The following CABLES2 variants were observed in gnomAD, a reference collection of about 807,000 sequenced individuals.
The protein encoded by CABLES2 is Cdk5 and Abl enzyme substrate 2, also known as CDK5 and ABL1 enzyme substrate 2.
CABLES2 carries 35 observed loss-of-function variants against 44.8 expected under a neutral mutation model. The ratio of observed to expected loss-of-function variants is 0.78; its 90% CI spans 0.60 to 1.04. The LOEUF (loss-of-function observed/expected upper bound fraction) is 1.04, where lower values mean the gene tolerates loss of function less well. Among genes scored for constraint, CABLES2 ranks in the 50% least tolerant of loss-of-function variants. The pLI is 0.00. For synonymous variants in CABLES2, 282 were observed against 281.1 expected, an observed-to-expected ratio of 1.00 and a Z score of -0.03; for missense variants, 566 against 615.7, an observed-to-expected ratio of 0.92 and a Z score of 0.85.
At chr20:62,395,665 C>T (rs759111053) in intron 3 of CABLES2, among the ~76,000 whole-genome samples, 14 of 152,214 alleles carry the variant, frequency 9.2e-5, no homozygotes, top group South Asian at 2.1e-4. Context: ...GCTTGGATGA[C>T]GGGAGCCAGG....
At chr20:62,397,668 C>T (rs934022451) in intron 1 of CABLES2, among the ~76,000 whole-genome samples, 1 of 152,230 alleles carries the variant, frequency 6.6e-6, no homozygotes, top group Admixed American at 6.5e-5. Flanking sequence ...AAGCTTTGTT[C>T]TCTCCCTTAT....
In CABLES2 at chr20:62,390,965, C is replaced by T; in HGVS notation, c.*6G>A. On this transcript the variant is annotated 3_prime_UTR_variant, in exon 10 of 10. Transcript: ENST00000279101. Reference sequence around the variant, plus strand: ...TCGGTGCCCTGAGCCTTCTGTGGGGCCTCTGCTAGAACTGCTGGGTGAGGC... The same window carrying T: ...TCGGTGCCCTGAGCCTTCTGTGGGGTCTCTGCTAGAACTGCTGGGTGAGGC... 1.2e-6 allele frequency: 2 copies of T among 1,613,890 alleles called. No individual in the cohort carries two copies. Among genetic ancestry groups the T allele is most frequent in the Non-Finnish European group, 1.7e-6 (2 of 1,179,892 alleles).
Position 62,390,840 on chromosome 20 carries a change from C to A in CABLES2, c.*131G>T. The A allele has an allele frequency of 1.9e-6, 2 of 1,062,610 alleles. No individual in the cohort carries two copies. The highest frequency in any genetic ancestry group is 3.2e-5 in the African/African-American group (2 of 63,308). The allele number at this position is 1,062,610 out of a possible 1,614,324, so 65.8% of individuals were successfully genotyped here. The stretch of plus-strand genomic sequence containing the variant: ...CAAAGAGGCAAAAAGGAAAGCTGCA[C>A]CAGCGGAGGCCAGGTGCCTCCTGCT... On this transcript the variant is annotated 3_prime_UTR_variant, in exon 10 of 10. Transcript: ENST00000279101.
intron 1 of CABLES2, among the ~76,000 whole-genome samples, chr20:62,406,503 G>A (rs1988287863): frequency 6.6e-6 from 1 of 152,074 alleles, no homozygotes; most frequent in African/African-American, 2.4e-5. Flanking sequence ...CAGGGGCTGG[G>A]AGAATTCAGG....
rs1275234413 is a variant in CABLES2 at position 62,396,517 on chromosome 20, G to T, written c.434+4C>A. 1 of 1,613,866 alleles carries T rather than the reference G, an allele frequency of 6.2e-7. No individual in the cohort carries two copies. The highest frequency in any genetic ancestry group is 1.3e-5 in the African/African-American group (1 of 75,032). On this transcript the variant is annotated splice_donor_region_variant and intron_variant, in intron 2 of 9. Transcript: ENST00000279101. The surrounding 1 kb of genome is among the most constrained non-coding windows in gnomAD (Gnocchi z 5.7). ...TAGAGCTCGGGGCGGACGGGGGCGT[G>T]TACCTCTGTGCTGGAGCGCATCCCA...
At chr20:62,395,842 C>T (rs556461808) in intron 3 of CABLES2, among the ~76,000 whole-genome samples, 55 of 152,304 alleles carry the variant, frequency 3.6e-4, no homozygotes, top group African/African-American at 1.3e-3. Context: ...GAATACGGGG[C>T]CACAGGAACA....
At chr20:62,395,076 TC>T in intron 3 of CABLES2, 62 bp from the exon 4 acceptor site, 1 of 1,235,004 alleles carries the variant, frequency 8.1e-7, no homozygotes, top group Non-Finnish European at 1.2e-6. Flanking sequence ...TACTGCTGCT[TC>T]CAGAGCTACA....
chr20:62,395,628 C>A (rs1013261706), intron 3 of CABLES2, among the ~76,000 whole-genome samples: 1 of 152,258 alleles, frequency 6.6e-6, no homozygotes, highest in East Asian at 1.9e-4. Context: ...AGGGGGACAA[C>A]AGTGGGAGAA....
chr20:62,401,197 T>G (rs1988181295), intron 1 of CABLES2, among the ~76,000 whole-genome samples: 1 of 152,206 alleles, frequency 6.6e-6, no homozygotes, highest in African/African-American at 2.4e-5. Flanking sequence ...AGGTCACGTT[T>G]TTTGGTTTGA....
chr20:62,396,176 G>A lies in CABLES2; in HGVS notation c.527+139C>T, dbSNP rs1337590588. 5.5e-6 allele frequency: 4 copies of A among 722,958 alleles called. No homozygotes were observed. The highest frequency in any genetic ancestry group is 9.7e-6 in the Non-Finnish European group (4 of 412,900). 44.8% of individuals were successfully genotyped at this position (722,958 alleles called of 1,614,324 possible). On this transcript the variant is annotated intron_variant, in intron 3 of 9. Transcript: ENST00000279101. This position sits in a 1 kb window ranked among gnomAD's most constrained non-coding sequence, Gnocchi z 5.7. ...GAGCAAGCAGTGTGGTGGGGAGGAG[G>A]GCCCACCTCTAGAGGTGTGGAGTGT... is the stretch of plus-strand genomic sequence containing the variant.
Position 62,391,416 on chromosome 20 carries a change from T to A in CABLES2, c.1129A>T (p.Ser377Cys). The A allele has an allele frequency of 1.2e-6, 2 of 1,613,278 alleles. No individual in the cohort carries two copies. Among genetic ancestry groups the A allele is most frequent in the Non-Finnish European group, 8.5e-7 (1 of 1,180,008 alleles). ...REMRSLSEEC[S>C]LEPVTVAMAY... ...ATGGCCACCGTCACGGGCTCCAGGCTGCACTCCTCCGACAGGCTCCGCATC... is the reference window on the plus strand; with the variant it reads ...ATGGCCACCGTCACGGGCTCCAGGCAGCACTCCTCCGACAGGCTCCGCATC... Residue 377 changes from serine to cysteine, a missense_variant, in exon 9 of 10, where the codon AGC becomes TGC. Ser to Cys is a moderately radical substitution (Grantham distance 112). This residue lies in a region of CABLES2 where 436 missense variants were observed against 536.3 expected (regional missense o/e 0.81). Transcript: ENST00000279101. This position sits in a 1 kb window ranked among gnomAD's most constrained non-coding sequence, Gnocchi z 5.7.
At position 62,388,736 on chromosome 20, in the gene CABLES2, CACTGACATCCACA is replaced by C. The variant is rs905852520; in HGVS notation, c.*2222_*2234del. On this transcript the variant is annotated 3_prime_UTR_variant, in exon 10 of 10. Transcript: ENST00000279101. ...CTGAGGTCTGATACTTGCTTATGCA[CACTGACATCCACA>C]ACTGCTACCGGTGCGGAAGCAACGC... 37 of 532,632 alleles carry C rather than the reference CACTGACATCCACA, an allele frequency of 6.9e-5. No individual in the cohort carries two copies. Among genetic ancestry groups the C allele is most frequent in the South Asian group, 2.1e-5 (1 of 47,002 alleles). The allele number at this position is 532,632 out of a possible 1,614,324, so 33.0% of individuals were successfully genotyped here. A position where few individuals can be genotyped will look rare whatever the true frequency, so the allele number is the denominator to read the frequency against.
intron 7 of CABLES2, among the ~76,000 whole-genome samples, 161 bp downstream of exon 7, chr20:62,392,759 C>T (rs1489302066): frequency 6.6e-6 from 1 of 152,212 alleles, no homozygotes; most frequent in African/African-American, 2.4e-5. Flanking sequence ...CAGCACTGCT[C>T]CCTGGCCTGC....
Position 62,399,813 on chromosome 20 carries a change from C to T in CABLES2, c.363-3221G>A, listed in dbSNP as rs187033539. Reference sequence around the variant, plus strand: ...TTCACCATGTTGGCCAGGCTGGTCTCGAACTCCTGATCTCAAATGATCCGC... The same window carrying T: ...TTCACCATGTTGGCCAGGCTGGTCTTGAACTCCTGATCTCAAATGATCCGC... On this transcript the variant is annotated intron_variant, in intron 1 of 9. Transcript: ENST00000279101. Among the ~76,000 whole-genome samples, 11 of 151,806 alleles carry T rather than the reference C, an allele frequency of 7.2e-5. No individual in the cohort carries two copies. The East Asian group carries it at 9.7e-4, about 13-fold the overall frequency.
At position 62,393,477 on chromosome 20, in the gene CABLES2, A is replaced by G. The variant is rs1987957667; in HGVS notation, c.843T>C (p.Pro281=). ...PRTLPGSRHK[P]APTKSAPAST... ...TGGCTGGTGCCGACTTGGTGGGGGCAGGTTTATGTCTTGACCCTGGCAGAG... is the reference window on the plus strand; with the variant it reads ...TGGCTGGTGCCGACTTGGTGGGGGCGGGTTTATGTCTTGACCCTGGCAGAG... The change falls in exon 6 of 10, where the codon CCT becomes CCC. Residue 281 remains proline (P), a synonymous_variant. Coordinates refer to ENST00000279101, the MANE Select transcript of CABLES2 (RefSeq NM_031215.3). 2 of 1,612,220 alleles carry G rather than the reference A, an allele frequency of 1.2e-6. No individual in the cohort carries two copies. The highest frequency in any genetic ancestry group is 1.7e-4 in the Middle Eastern group (1 of 6,046).
Position 62,388,685 on chromosome 20 carries a change from A to T in CABLES2, c.*2286T>A, listed in dbSNP as rs1987843613. The T allele has an allele frequency of 1.7e-6, 1 of 590,998 alleles. No individual in the cohort carries two copies. Among genetic ancestry groups the T allele is most frequent in the Admixed American group, 3.2e-5 (1 of 30,820 alleles). The allele number at this position is 590,998 out of a possible 1,614,324, so 36.6% of individuals were successfully genotyped here. On this transcript the variant is annotated 3_prime_UTR_variant, in exon 10 of 10. Coordinates refer to ENST00000279101, the MANE Select transcript of CABLES2 (RefSeq NM_031215.3). ...ATACATTATCCATTTAAAAACAGAT[A>T]TCTAAGACAAAATAACTCAAACATT... is the stretch of plus-strand genomic sequence containing the variant.
At position 62,396,706 on chromosome 20, in the gene CABLES2, C is replaced by T. The variant is rs145565478; in HGVS notation, c.363-114G>A. The T allele has an allele frequency of 2.4e-3, 2,726 of 1,128,920 alleles. 6 individuals carry two copies. Among genetic ancestry groups the T allele is most frequent in the Middle Eastern group, 3.8e-3 (16 of 4,244 alleles). 69.9% of individuals were successfully genotyped at this position (1,128,920 alleles called of 1,614,324 possible). A position where few individuals can be genotyped will look rare whatever the true frequency, so the allele number is the denominator to read the frequency against. ...GAAGGGCCACTCTCCAGCCCAGCGGCGCACCCATGGGCCGAGGGGCTTCCA... is the reference window on the plus strand; with the variant it reads ...GAAGGGCCACTCTCCAGCCCAGCGGTGCACCCATGGGCCGAGGGGCTTCCA... On this transcript the variant is annotated intron_variant, in intron 1 of 9. Transcript: ENST00000279101. The surrounding 1 kb of genome is among the most constrained non-coding windows in gnomAD (Gnocchi z 5.7).
chr20:62,393,719 A>C (rs1008675838), intron 5 of CABLES2, 114 bp from the exon 6 acceptor site: 2 of 1,160,036 alleles, frequency 1.7e-6, no homozygotes, highest in African/African-American at 3.1e-5. Context: ...ATGGAAAATG[A>C]AGGGAACAAC....
chr20:62,399,804 G>C (rs1988155489), intron 1 of CABLES2, among the ~76,000 whole-genome samples: 1 of 151,170 alleles, frequency 6.6e-6, no homozygotes, highest in Admixed American at 6.6e-5. Context: ...ATGTTGGCCA[G>C]GCTGGTCTCG....
Sources: gnomAD v4.1 joint callset for allele counts (sites outside exome capture counted in the v4.1 genomes callset) on GRCh38, gnomAD v4.1.1 for gene constraint, gnomAD v4.1.1 regional missense constraint, Gnocchi (gnomAD v3.1) non-coding constraint, MANE v1.5 for transcripts, NCBI Gene and HGNC (gene_info 2026-07-23, HGNC 2026-07-21) for gene names.